CDC20B: variants seen among roughly 807,000 people sequenced by gnomAD.
The protein encoded by CDC20B is cell division cycle protein 20 homolog B.
In CDC20B, 58 loss-of-function variants were observed where a neutral mutation model predicts 64.1. The ratio of observed to expected loss-of-function variants is 0.90; its 90% CI spans 0.73 to 1.13. The LOEUF is 1.13. Among genes scored for constraint, CDC20B ranks in the 50% most tolerant of loss-of-function variants. CDC20B has a pLI of 0.00. For synonymous variants in CDC20B, 243 were observed against 230.6 expected, an observed-to-expected ratio of 1.05 and a Z score of -0.49; for missense variants, 597 against 633.0, an observed-to-expected ratio of 0.94 and a Z score of 0.61.
intron 9 of CDC20B, among the ~76,000 whole-genome samples, chr5:55,124,034 C>T (rs552170277): frequency 6.6e-6 from 1 of 152,102 alleles, no homozygotes; most frequent in Non-Finnish European, 1.5e-5. Context: ...TATTCTGGGA[C>T]TACGTTGAGG....
At chr5:55,146,977 GA>G in intron 2 of CDC20B, 121 bp from the exon 3 acceptor site, 1 of 438,778 alleles carries the variant, frequency 2.3e-6, no homozygotes, top group Non-Finnish European at 3.8e-6. Flanking sequence ...TATATAATGA[GA>G]TTTTTTTAAT....
At chr5:55,134,261 T>A (rs1054770404) in intron 5 of CDC20B, among the ~76,000 whole-genome samples, 2 of 152,042 alleles carry the variant, frequency 1.3e-5, no homozygotes, top group African/African-American at 4.8e-5. Context: ...ACTTGTGGTG[T>A]CTATGACCAG....
At chr5:55,115,515 A>G (rs550095296) in intron 11 of CDC20B, among the ~76,000 whole-genome samples, 1 of 152,300 alleles carries the variant, frequency 6.6e-6, no homozygotes, top group African/African-American at 2.4e-5. Context: ...GCCCAATCCA[A>G]CAGTGACTTT....
At chr5:55,137,703 C>T in intron 5 of CDC20B, 1 of 456,468 alleles carries the variant, frequency 2.2e-6, no homozygotes, top group Non-Finnish European at 4.4e-6. Context: ...AAGTTTATTT[C>T]CTCTGCCTCC....
At chr5:55,170,288 C>T (rs1245691308) in intron 2 of CDC20B, among the ~76,000 whole-genome samples, 1 of 152,100 alleles carries the variant, frequency 6.6e-6, no homozygotes, top group Non-Finnish European at 1.5e-5. Context: ...ACTCCAAAGA[C>T]TCCAAAAATA....
chr5:55,173,164 C>T lies in CDC20B; in HGVS notation c.-164G>A. On this transcript the variant is annotated 5_prime_UTR_variant, in exon 1 of 12. Coordinates refer to ENST00000381375, the MANE Select transcript of CDC20B (RefSeq NM_001170402.1). ...ACCTCCCTCCAGGTCCCCCACTCCT[C>T]CCACCGCCGCTGCAAGGTGTTCCCC... 1.2e-5 allele frequency: 7 copies of T among 597,424 alleles called. No individual in the cohort carries two copies. In the South Asian group the frequency reaches 1.4e-4, roughly 12 times the overall value. 37.0% of individuals were successfully genotyped at this position (597,424 alleles called of 1,614,324 possible).
At chr5:55,148,785 A>T (rs756936422) in intron 2 of CDC20B, among the ~76,000 whole-genome samples, 3 of 152,270 alleles carry the variant, frequency 2.0e-5, no homozygotes, top group Non-Finnish European at 4.4e-5. Context: ...GTTACTATGT[A>T]TGAAACCATA....
At chr5:55,156,744 C>T (rs1157614962) in intron 2 of CDC20B, among the ~76,000 whole-genome samples, 1 of 152,006 alleles carries the variant, frequency 6.6e-6, no homozygotes, top group African/African-American at 2.4e-5. Context: ...CATTTTGGCG[C>T]GTGCCTGTAG....
At chr5:55,135,812 T>C (rs962326995) in intron 5 of CDC20B, 2 of 151,076 alleles carry the variant, frequency 1.3e-5, no homozygotes, top group African/African-American at 4.9e-5. Flanking sequence ...TAGTGTATTC[T>C]ATATGTGGCC....
At chr5:55,143,996 A>G (rs1328337387) in intron 3 of CDC20B, among the ~76,000 whole-genome samples, 3 of 13,268 alleles carry the variant, frequency 2.3e-4, no homozygotes, top group African/African-American at 7.1e-4. Flanking sequence ...TCTGTATGGA[A>G]AAAAAAAAAA....
At chr5:55,153,861 A>G (rs1248848304) in intron 2 of CDC20B, among the ~76,000 whole-genome samples, 1 of 152,226 alleles carries the variant, frequency 6.6e-6, no homozygotes, top group Non-Finnish European at 1.5e-5. Flanking sequence ...GATGGAAGAG[A>G]ATCAACATGC....
At chr5:55,161,268 C>T in intron 2 of CDC20B, 1 of 1,607,040 alleles carries the variant, frequency 6.2e-7, no homozygotes, top group Non-Finnish European at 8.5e-7. Flanking sequence ...AAATATCTGC[C>T]TTGCATATGC....
In CDC20B at chr5:55,146,768, G is replaced by C. The variant is rs756606380; in HGVS notation, c.215C>G (p.Pro72Arg). 1 of 1,613,962 alleles carries C rather than the reference G, an allele frequency of 6.2e-7. No individual in the cohort carries two copies. The highest frequency in any genetic ancestry group is 1.1e-5 in the South Asian group (1 of 91,076). ...LSAEVPVASS[P>R]ITTRWQQSQT... ...ACTTTGCTGCCACCTTGTGGTAATG[G>C]GGCTACTCGCAACAGGAACCTCTGC... Residue 72 changes from proline to arginine, a missense_variant, in exon 3 of 12, where the codon CCC becomes CGC. Physicochemically the swap from Pro to Arg is moderately radical, Grantham distance 103. Around this residue, in one of 3 missense-constraint regions of CDC20B, gnomAD observed 241 missense variants for 219.2 expected, o/e 1.10. Coordinates refer to ENST00000381375, the MANE Select transcript of CDC20B (RefSeq NM_001170402.1).
At position 55,172,929 on chromosome 5, in the gene CDC20B, G is replaced by A. The variant is rs1744672797; in HGVS notation, c.63+9C>T. ...AGTTAGGGAGAATGCAGAAAAGGGT[G>A]TTACTCACCCACAGCATCTCCTCTT... On this transcript the variant is annotated intron_variant, in intron 1 of 11. Transcript: ENST00000381375. 1 of 1,599,680 alleles carries A rather than the reference G, an allele frequency of 6.3e-7. No homozygotes were observed. Among genetic ancestry groups the A allele is most frequent in the Non-Finnish European group, 8.5e-7 (1 of 1,172,772 alleles).
Position 55,160,392 on chromosome 5 carries a change from G to T in CDC20B, c.126+12196C>A, listed in dbSNP as rs764686625. 105 of 1,609,178 alleles carry T rather than the reference G, an allele frequency of 6.5e-5. No individual in the cohort carries two copies. The highest frequency in any genetic ancestry group is 8.7e-5 in the Non-Finnish European group (103 of 1,177,316). ...ACTGTTTCTCTGGAAAAGTATAAAG[G>T]CAAAGTAAGTTGCATCATCTGATTT... is the stretch of plus-strand genomic sequence containing the variant. On this transcript the variant is annotated intron_variant, in intron 2 of 11. Coordinates refer to ENST00000381375, the MANE Select transcript of CDC20B (RefSeq NM_001170402.1).
chr5:55,125,001 A>G lies in CDC20B; in HGVS notation c.1017T>C (p.His339=). The G allele has an allele frequency of 6.2e-7, 1 of 1,613,800 alleles. No homozygotes were observed. Among genetic ancestry groups the G allele is most frequent in the South Asian group, 1.1e-5 (1 of 91,080 alleles). ...SSGSRLGRVY[H]HDVRVAQHHV... is the part of the protein sequence containing the mutation. ...GATGCTGGGCTACCCGAACATCGTG[A>G]TGATAAACACGCCCCAGTCTTGACC... The change falls in exon 9 of 12, where the codon CAT becomes CAC. Residue 339 remains histidine, a synonymous_variant. Transcript: ENST00000381375.
chr5:55,116,456 T>G (rs1742628815), intron 11 of CDC20B, among the ~76,000 whole-genome samples: 1 of 151,418 alleles, frequency 6.6e-6, no homozygotes, highest in East Asian at 1.9e-4. Context: ...TTTTATTTAT[T>G]TATTTATTTT....
intron 9 of CDC20B, among the ~76,000 whole-genome samples, chr5:55,123,808 T>C (rs1742812237): frequency 6.6e-6 from 1 of 152,200 alleles, no homozygotes; most frequent in Middle Eastern, 3.2e-3. Context: ...CTTCAAGTCA[T>C]GAATACTGGG....
intron 2 of CDC20B, among the ~76,000 whole-genome samples, chr5:55,149,375 T>A (rs536762117): frequency 3.9e-4 from 60 of 152,336 alleles, no homozygotes; most frequent in African/African-American, 1.4e-3. Context: ...CATAGGTATA[T>A]GTACTCAAAC....
Sources: allele counts gnomAD v4.1 joint callset (sites outside exome capture counted in the v4.1 genomes callset), GRCh38; gene constraint gnomAD v4.1.1; regional missense constraint gnomAD v4.1.1; transcripts MANE v1.5; gene names NCBI Gene and HGNC (gene_info 2026-07-23, HGNC 2026-07-21).